The following SKAP1 variants were observed in gnomAD, a reference collection of about 807,000 sequenced individuals.
SKAP1 encodes the protein src kinase-associated phosphoprotein 1.
SKAP1 carries 44 observed loss-of-function variants against 58.5 expected under a neutral mutation model. The observed-to-expected ratio is 0.75, with a 90% CI of 0.59 to 0.97. The LOEUF (loss-of-function observed/expected upper bound fraction) is 0.97, where lower values mean the gene tolerates loss of function less well. SKAP1 is among the 50% of genes least tolerant of loss of function. SKAP1 has a pLI of 0.00. For synonymous variants in SKAP1, 127 were observed against 149.7 expected, an observed-to-expected ratio of 0.85 and a Z score of 1.11; for missense variants, 390 against 435.2, an observed-to-expected ratio of 0.90 and a Z score of 0.92.
chr17:48,171,731 T>TAGAG (rs1264605866), intron 9 of SKAP1, among the ~76,000 whole-genome samples: 1 of 83,840 alleles, frequency 1.2e-5, no homozygotes, highest in Admixed American at 1.3e-4. Context: ...GTTAGGATGT[T>TAGAG]AGAGTGTGTG....
At chr17:48,209,024 C>A (rs747763674) in intron 4 of SKAP1, among the ~76,000 whole-genome samples, 14 of 152,254 alleles carry the variant, frequency 9.2e-5, no homozygotes, top group Non-Finnish European at 1.6e-4. Flanking sequence ...ACCACTACCT[C>A]TATAATATGA....
intron 4 of SKAP1, among the ~76,000 whole-genome samples, chr17:48,193,134 C>G (rs1287729940): frequency 6.6e-6 from 1 of 152,132 alleles, no homozygotes; most frequent in Non-Finnish European, 1.5e-5. Flanking sequence ...CTCCACCTCC[C>G]GGGTTCAAGC....
Position 48,353,938 on chromosome 17 carries a change from GGAA to G in SKAP1, c.179-7935_179-7933del, listed in dbSNP as rs10695123. Among the ~76,000 whole-genome samples, 546 of 144,770 alleles carry G rather than the reference GGAA, an allele frequency of 3.8e-3. 2 individuals carry two copies. Among genetic ancestry groups the G allele is most frequent in the East Asian group, 0.011 (55 of 4,992 alleles). The allele number at this position is 144,770 out of a possible 152,430, so 95.0% of individuals were successfully genotyped here. A position where few individuals can be genotyped will look rare whatever the true frequency, so the allele number is the denominator to read the frequency against. On this transcript the variant is annotated intron_variant, in intron 3 of 12. Transcript: ENST00000336915. Reference sequence around the variant, plus strand: ...GAAAAGAAAAGAAGAAAGAAGAAGAGGAAGAAGAAGAAGAAGAAGAAGAGGAAG... The same window carrying G: ...GAAAAGAAAAGAAGAAAGAAGAAGAGGAAGAAGAAGAAGAAGAAGAGGAAG...
intron 4 of SKAP1, among the ~76,000 whole-genome samples, chr17:48,213,369 A>AT (rs397691351): frequency 1.3e-5 from 2 of 150,986 alleles, no homozygotes; most frequent in Non-Finnish European, 3.0e-5. Flanking sequence ...AAAAAAAAAA[A>AT]GCTGTACTGT....
At chr17:48,188,994 C>T (rs934934136) in intron 5 of SKAP1, among the ~76,000 whole-genome samples, 10 of 152,006 alleles carry the variant, frequency 6.6e-5, no homozygotes, top group African/African-American at 2.4e-4. Flanking sequence ...TCTCAAACAA[C>T]AACAACAACA....
chr17:48,385,801 G>A (rs891543695), intron 2 of SKAP1, among the ~76,000 whole-genome samples: 1 of 152,188 alleles, frequency 6.6e-6, no homozygotes, highest in African/African-American at 2.4e-5. Context: ...GTGGGGTTTG[G>A]TTATAACAGG....
At chr17:48,188,070 A>C in intron 5 of SKAP1, 144 bp from the exon 6 acceptor site, 2 of 627,962 alleles carry the variant, frequency 3.2e-6, no homozygotes, top group South Asian at 3.8e-5. Flanking sequence ...TCACTCCCAC[A>C]GGTTATCCCA....
Position 48,165,379 on chromosome 17 carries a change from T to TTTTC in SKAP1, c.878-2814_878-2811dup, listed in dbSNP as rs143644816. Among the ~76,000 whole-genome samples, 64 of 128,330 alleles carry TTTTC rather than the reference T, an allele frequency of 5.0e-4. 1 individual carries two copies. The highest frequency in any genetic ancestry group is 2.8e-3 in the East Asian group (13 of 4,568). 84.2% of individuals were successfully genotyped at this position (128,330 alleles called of 152,430 possible). ...CATGAGGAGACTTTGCTTTCTTTTC[T>TTTTC]TTTCTTTCTTTCTTTCTTTCTTTCT... is the stretch of plus-strand genomic sequence containing the variant. On this transcript the variant is annotated intron_variant, in intron 10 of 12. Coordinates refer to ENST00000336915, the MANE Select transcript of SKAP1 (RefSeq NM_003726.4).
chr17:48,152,077 T>C (rs972628118), intron 11 of SKAP1, among the ~76,000 whole-genome samples: 10 of 152,306 alleles, frequency 6.6e-5, no homozygotes, highest in African/African-American at 2.4e-4. Context: ...AAGATGAAAG[T>C]TTTTAAATAA....
At chr17:48,406,208 T>C (rs1462904314) in intron 1 of SKAP1, among the ~76,000 whole-genome samples, 2 of 151,666 alleles carry the variant, frequency 1.3e-5, no homozygotes, top group Non-Finnish European at 1.5e-5. Flanking sequence ...GAGGTTGCAG[T>C]GAGCCGAGAT....
intron 1 of SKAP1, among the ~76,000 whole-genome samples, chr17:48,407,790 G>T (rs571350638): frequency 6.6e-6 from 1 of 151,554 alleles, no homozygotes; most frequent in South Asian, 2.1e-4. Context: ...GGAGATGAAG[G>T]CTTCAGTGAG....
At chr17:48,410,860 G>A (rs1463388153) in intron 1 of SKAP1, among the ~76,000 whole-genome samples, 1 of 146,134 alleles carries the variant, frequency 6.8e-6, no homozygotes, top group Non-Finnish European at 1.5e-5. Flanking sequence ...CCAGGAGGTG[G>A]AGGTTGCAGT....
chr17:48,428,710 G>C (rs2067879019), intron 1 of SKAP1, among the ~76,000 whole-genome samples: 1 of 152,120 alleles, frequency 6.6e-6, no homozygotes, highest in African/African-American at 2.4e-5. Context: ...TAAACTTTTT[G>C]CCACAGTCCC....
intron 4 of SKAP1, among the ~76,000 whole-genome samples, chr17:48,272,617 G>A (rs1009816937): frequency 5.3e-5 from 8 of 152,180 alleles, no homozygotes; most frequent in African/African-American, 1.9e-4. Flanking sequence ...GTGCAGCAGT[G>A]CGATCTCAGC....
chr17:48,208,970 A>C (rs1341209128), intron 4 of SKAP1, among the ~76,000 whole-genome samples: 2 of 152,200 alleles, frequency 1.3e-5, no homozygotes, highest in African/African-American at 4.8e-5. Flanking sequence ...TACAAAATCT[A>C]TGGATGCTTA....
chr17:48,155,742 A>G (rs533660712), intron 11 of SKAP1, among the ~76,000 whole-genome samples: 1 of 152,128 alleles, frequency 6.6e-6, no homozygotes, highest in African/African-American at 2.4e-5. Context: ...CTGTAGTCCC[A>G]GTTACTCAGG....
At chr17:48,247,241 C>T (rs2065305953) in intron 4 of SKAP1, among the ~76,000 whole-genome samples, 1 of 152,198 alleles carries the variant, frequency 6.6e-6, no homozygotes, top group South Asian at 2.1e-4. Context: ...CTATTAGTCA[C>T]ATTCCATTGG....
At chr17:48,330,836 CAA>C (rs1321766837) in intron 4 of SKAP1, among the ~76,000 whole-genome samples, 1 of 148,532 alleles carries the variant, frequency 6.7e-6, no homozygotes, top group Non-Finnish European at 1.5e-5. Flanking sequence ...AAAAAAAAAA[CAA>C]AGAGTGACCA....
At chr17:48,150,597 T>C (rs2063890445) in intron 11 of SKAP1, among the ~76,000 whole-genome samples, 1 of 152,224 alleles carries the variant, frequency 6.6e-6, no homozygotes, top group Admixed American at 6.5e-5. Flanking sequence ...ATTTATTTCC[T>C]ATAAATCGGG....
Sources: allele counts gnomAD v4.1 joint callset (sites outside exome capture counted in the v4.1 genomes callset), GRCh38; gene constraint gnomAD v4.1.1; transcripts MANE v1.5; gene names NCBI Gene and HGNC (gene_info 2026-07-23, HGNC 2026-07-21).